CHRAC1: variants seen among roughly 807,000 people sequenced by gnomAD.
CHRAC1 encodes the protein chromatin accessibility complex protein 1.
Under a neutral mutation model 9.1 loss-of-function variants are expected in CHRAC1, and 6 were observed. The ratio of observed to expected loss-of-function variants is 0.66; its 90% CI spans 0.36 to 1.29. The LOEUF (loss-of-function observed/expected upper bound fraction) is 1.29, where lower values mean the gene tolerates loss of function less well. Among genes scored for constraint, CHRAC1 ranks in the 50% most tolerant of loss-of-function variants. CHRAC1 has a pLI of 0.03. For synonymous variants in CHRAC1, 73 were observed against 64.5 expected (o/e 1.13, Z -0.63); for missense variants, 168 against 163.5 (o/e 1.03, Z -0.15).
Position 140,511,499 on chromosome 8 carries a change from G to A in CHRAC1, c.-1G>A, listed in dbSNP as rs2072272604. On this transcript the variant is annotated 5_prime_UTR_variant, in exon 1 of 3. Transcript: ENST00000220913. ...CGGGCACCCGCGCGACGGGCGGGAAGATGGCGGACGTGGTCGTGGGTAAAG... is the reference window on the plus strand; with the variant it reads ...CGGGCACCCGCGCGACGGGCGGGAAAATGGCGGACGTGGTCGTGGGTAAAG... 3.0e-6 allele frequency: 4 copies of A among 1,330,530 alleles called. No homozygotes were observed. The highest frequency in any genetic ancestry group is 3.9e-6 in the Non-Finnish European group (4 of 1,029,430). The allele number at this position is 1,330,530 out of a possible 1,614,324, so 82.4% of individuals were successfully genotyped here. A position where few individuals can be genotyped will look rare whatever the true frequency, so the allele number is the denominator to read the frequency against.
rs1402875810 is a variant in CHRAC1 at position 140,511,565 on chromosome 8, C to T, written c.66C>T (p.Ser22=). The change falls in exon 1 of 3, where the codon TCC becomes TCT. Residue 22 remains serine (S), a synonymous_variant. Transcript: ENST00000220913. ...GEQRLISLPL[S]RIRVIMKSSP... ...AGCGGCTCATCTCGCTGCCTCTATC[C>T]CGCATCCGGGTCATCATGAAGAGCT... is the stretch of plus-strand genomic sequence containing the variant. The T allele has an allele frequency of 6.8e-6, 10 of 1,466,826 alleles. No individual in the cohort carries two copies. Among genetic ancestry groups the T allele is most frequent in the Admixed American group, 2.3e-5 (1 of 43,260 alleles). The allele number at this position is 1,466,826 out of a possible 1,614,324, so 90.9% of individuals were successfully genotyped here.
intron 1 of CHRAC1, 163 bp downstream of exon 1, chr8:140,511,809 T>G: frequency 6.6e-6 from 5 of 753,508 alleles, no homozygotes; most frequent in South Asian, 1.6e-5. Flanking sequence ...CGCGCTTCGG[T>G]GCCCGCGCGC....
intron 1 of CHRAC1, among the ~76,000 whole-genome samples, chr8:140,512,423 C>T (rs1349527332): frequency 6.6e-6 from 1 of 152,192 alleles, no homozygotes; most frequent in East Asian, 1.9e-4. Context: ...TAAGGAAGTC[C>T]GGGGAACTTA....
In CHRAC1 at chr8:140,511,370, C is replaced by G; in HGVS notation, c.-130C>G. 1.2e-6 allele frequency: 1 copy of G among 837,520 alleles called. No individual in the cohort carries two copies. The highest frequency in any genetic ancestry group is 1.6e-6 in the Non-Finnish European group (1 of 621,616). The allele number at this position is 837,520 out of a possible 1,614,324, so 51.9% of individuals were successfully genotyped here. ...GACGGGCCGCTCCCGGCCTCGCGGC[C>G]TCGCCTCCCCACACTACAACTCCCA... On this transcript the variant is annotated 5_prime_UTR_variant, in exon 1 of 3. Transcript: ENST00000220913.
At chr8:140,515,023 C>G in intron 2 of CHRAC1, 103 bp from the exon 3 acceptor site, 2 of 1,145,214 alleles carry the variant, frequency 1.7e-6, no homozygotes, top group South Asian at 3.0e-5. Context: ...GTTTTGGAAC[C>G]TCTTATAGAG....
rs766183606 is a variant in CHRAC1 at position 140,511,402 on chromosome 8, A to G, written c.-98A>G. On this transcript the variant is annotated 5_prime_UTR_variant, in exon 1 of 3. Coordinates refer to ENST00000220913, the MANE Select transcript of CHRAC1 (RefSeq NM_017444.6). Reference sequence around the variant, plus strand: ...CCCCACACTACAACTCCCACGGGGCAGCGGGCGCGGCTCCCCGTACCCACC... The same window carrying G: ...CCCCACACTACAACTCCCACGGGGCGGCGGGCGCGGCTCCCCGTACCCACC... The G allele has an allele frequency of 9.1e-7, 1 of 1,099,368 alleles. No individual in the cohort carries two copies. Among genetic ancestry groups the G allele is most frequent in the East Asian group, 3.3e-5 (1 of 30,328 alleles). 68.1% of individuals were successfully genotyped at this position (1,099,368 alleles called of 1,614,324 possible). A position where few individuals can be genotyped will look rare whatever the true frequency, so the allele number is the denominator to read the frequency against.
rs1397632941 is a variant in CHRAC1 at position 140,516,575 on chromosome 8, CTG to C, written c.*1329_*1330del. Reference sequence around the variant, plus strand: ...TTTGTAACCAATCGATAGGACAGTTCTGCCACCCAGGACATTCCCCTCTGTTC... The same window carrying C: ...TTTGTAACCAATCGATAGGACAGTTCCCACCCAGGACATTCCCCTCTGTTC... On this transcript the variant is annotated 3_prime_UTR_variant, in exon 3 of 3. Coordinates refer to ENST00000220913, the MANE Select transcript of CHRAC1 (RefSeq NM_017444.6). The C allele has an allele frequency of 1.3e-5, 2 of 152,206 alleles. No homozygotes were observed. The highest frequency in any genetic ancestry group is 2.9e-5 in the Non-Finnish European group (2 of 68,038). The allele number at this position is 152,206 out of a possible 1,614,324, so 9.4% of individuals were successfully genotyped here.
Position 140,511,598 on chromosome 8 carries a change from G to T in CHRAC1, c.99G>T (p.Glu33Asp), listed in dbSNP as rs746622014. The T allele has an allele frequency of 3.2e-5, 48 of 1,490,772 alleles. No homozygotes were observed. In the African/African-American group the frequency reaches 6.5e-4, roughly 20 times the overall value. The allele number at this position is 1,490,772 out of a possible 1,614,324, so 92.3% of individuals were successfully genotyped here. The stretch of plus-strand genomic sequence containing the variant: ...GGGTCATCATGAAGAGCTCCCCCGA[G>T]GTGTCCAGCATCAACCAGGAGGCGT... The part of the protein sequence containing the change: ...RIRVIMKSSP[E>D]VSSINQEALV... Residue 33 changes from glutamate to aspartate, a missense_variant, in exon 1 of 3, where the codon GAG (glutamate) becomes GAT (aspartate). Physicochemically the swap from Glu to Asp is conservative, Grantham distance 45. Coordinates refer to ENST00000220913, the MANE Select transcript of CHRAC1 (RefSeq NM_017444.6).
At position 140,514,410 on chromosome 8, in the gene CHRAC1, C is replaced by A; in HGVS notation, c.189C>A (p.His63Gln). ...VQCLATYSYR[H>Q]GSGKEKKVLT... ...GCCTAGCCACCTATTCCTACAGACA[C>A]GGCAGTGGAAAGGAAAAGAAAGTAC... Residue 63 changes from histidine (H) to glutamine (Q), a missense_variant, in exon 2 of 3, where the codon CAC becomes CAA. Coordinates refer to ENST00000220913, the MANE Select transcript of CHRAC1 (RefSeq NM_017444.6). 1 of 1,587,250 alleles carries A rather than the reference C, an allele frequency of 6.3e-7. No homozygotes were observed. The highest frequency in any genetic ancestry group is 2.3e-5 in the East Asian group (1 of 43,960).
At chr8:140,513,913 C>CTTTTTTTTT (rs57880666) in intron 1 of CHRAC1, among the ~76,000 whole-genome samples, 56 of 87,468 alleles carry the variant, frequency 6.4e-4, no homozygotes, top group East Asian at 8.2e-4. Context: ...CCAGTGATTT[C>CTTTTTTTTT]TTTTTTTTTT....
intron 1 of CHRAC1, among the ~76,000 whole-genome samples, chr8:140,512,839 A>T (rs2072293933): frequency 6.6e-6 from 1 of 152,158 alleles, no homozygotes; most frequent in African/African-American, 2.4e-5. Flanking sequence ...CCGTTATTTT[A>T]TTTTTTGAGA....
Position 140,515,298 on chromosome 8 carries a change from C to A in CHRAC1, c.*51C>A. 6.3e-7 allele frequency: 1 copy of A among 1,589,908 alleles called. No homozygotes were observed. The highest frequency in any genetic ancestry group is 8.6e-7 in the Non-Finnish European group (1 of 1,168,302). On this transcript the variant is annotated 3_prime_UTR_variant, in exon 3 of 3. Coordinates refer to ENST00000220913, the MANE Select transcript of CHRAC1 (RefSeq NM_017444.6). ...TGGCGAGGACAGCCCTGGACCCACTCCACTGTCTCTAAGTAAACACAGCAC... is the reference window on the plus strand; with the variant it reads ...TGGCGAGGACAGCCCTGGACCCACTACACTGTCTCTAAGTAAACACAGCAC...
chr8:140,514,205 C>T (rs1023447942), intron 1 of CHRAC1, 164 bp from the exon 2 acceptor site: 10 of 723,050 alleles, frequency 1.4e-5, no homozygotes, highest in Non-Finnish European at 2.0e-5. Flanking sequence ...CACGCCTGGC[C>T]TCCCCAGTGA....
chr8:140,513,307 G>C lies in CHRAC1; in HGVS notation c.148-1062G>C, dbSNP rs550364483. Among the ~76,000 whole-genome samples, 69 of 152,324 alleles carry C rather than the reference G, an allele frequency of 4.5e-4. 1 individual carries two copies. Among genetic ancestry groups the C allele is most frequent in the South Asian group, 1.0e-3 (5 of 4,832 alleles). ...TCAGTTCCTAGAATAGAAAAGTTTTGGCAAAATGTAAGCTGTGGTCACTAT... is the reference window on the plus strand; with the variant it reads ...TCAGTTCCTAGAATAGAAAAGTTTTCGCAAAATGTAAGCTGTGGTCACTAT... On this transcript the variant is annotated intron_variant, in intron 1 of 2. Coordinates refer to ENST00000220913, the MANE Select transcript of CHRAC1 (RefSeq NM_017444.6).
chr8:140,516,663 A>G lies in CHRAC1; in HGVS notation c.*1416A>G, dbSNP rs1442306639. 1 of 151,878 alleles carries G rather than the reference A, an allele frequency of 6.6e-6. No individual in the cohort carries two copies. The highest frequency in any genetic ancestry group is 2.4e-5 in the African/African-American group (1 of 41,324). 9.4% of individuals were successfully genotyped at this position (151,878 alleles called of 1,614,324 possible). Reference sequence around the variant, plus strand: ...CTGGTGTTTTCTGTCCCTCTTGTTCATTGACATTTATTTTAAAATAAAATA... The same window carrying G: ...CTGGTGTTTTCTGTCCCTCTTGTTCGTTGACATTTATTTTAAAATAAAATA... On this transcript the variant is annotated 3_prime_UTR_variant, in exon 3 of 3. Coordinates refer to ENST00000220913, the MANE Select transcript of CHRAC1 (RefSeq NM_017444.6).
chr8:140,511,670 G>T, intron 1 of CHRAC1, 24 bp downstream of exon 1: 3 of 1,348,966 alleles, frequency 2.2e-6, no homozygotes, highest in Non-Finnish European at 2.9e-6. Context: ...GCGGGGGTGT[G>T]GGCCGCCCTT....
In CHRAC1 at chr8:140,512,031, C is replaced by CT. The variant is rs772464244; in HGVS notation, c.147+386dup. On this transcript the variant is annotated intron_variant, in intron 1 of 2. Transcript: ENST00000220913. ...CGCTTCCATTCGGCAAACCCGTAAGCTCCCGCGTTCCTCTGCGCGCCTTTC... is the reference window on the plus strand; with the variant it reads ...CGCTTCCATTCGGCAAACCCGTAAGCTTCCCGCGTTCCTCTGCGCGCCTTTC... 64 of 1,286,250 alleles carry CT rather than the reference C, an allele frequency of 5.0e-5. No homozygotes were observed. In the South Asian group the frequency reaches 7.3e-4, roughly 15 times the overall value. The allele number at this position is 1,286,250 out of a possible 1,614,324, so 79.7% of individuals were successfully genotyped here.
chr8:140,517,064 G>A lies in CHRAC1; in HGVS notation c.*1817G>A, dbSNP rs1214033786. On this transcript the variant is annotated 3_prime_UTR_variant, in exon 3 of 3. Transcript: ENST00000220913. ...AACTTGAGTTTTGTGTAATTTTCAT[G>A]TGTCATGAAATACTGTTTTCTCCAA... is the stretch of plus-strand genomic sequence containing the variant. 2 of 152,132 alleles carry A rather than the reference G, an allele frequency of 1.3e-5. No individual in the cohort carries two copies. 9.4% of individuals were successfully genotyped at this position (152,132 alleles called of 1,614,324 possible).
In CHRAC1 at chr8:140,516,989, A is replaced by C. The variant is rs2072345773; in HGVS notation, c.*1742A>C. The C allele has an allele frequency of 6.6e-6, 1 of 152,204 alleles. No individual in the cohort carries two copies. The highest frequency in any genetic ancestry group is 2.1e-4 in the South Asian group (1 of 4,828). 9.4% of individuals were successfully genotyped at this position (152,204 alleles called of 1,614,324 possible). ...AAAGCAGCCAGGTAATTACTAGATG[A>C]AGGAATGCAGGTGGCTGTGTTTCAA... On this transcript the variant is annotated 3_prime_UTR_variant, in exon 3 of 3. Coordinates refer to ENST00000220913, the MANE Select transcript of CHRAC1 (RefSeq NM_017444.6).
Sources: allele counts gnomAD v4.1 joint callset (sites outside exome capture counted in the v4.1 genomes callset), GRCh38; gene constraint gnomAD v4.1.1; transcripts MANE v1.5; gene names NCBI Gene and HGNC (gene_info 2026-07-23, HGNC 2026-07-21).